Variants in SSC5D observed in about 807,000 individuals in gnomAD.
SSC5D encodes the protein soluble scavenger receptor cysteine-rich domain-containing protein SSC5D.
In SSC5D, 106 loss-of-function variants were observed where a neutral mutation model predicts 104.6. The observed-to-expected ratio is 1.01, with a 90% CI of 0.87 to 1.19. The LOEUF is 1.19. Among genes scored for constraint, SSC5D ranks in the 50% most tolerant of loss-of-function variants. SSC5D has a pLI of 0.00. For missense variants in SSC5D, 1,993 were observed against 2,153.8 expected (o/e 0.93, Z 1.48); for synonymous variants, 860 against 883.5 (o/e 0.97, Z 0.47).
intron 8 of SSC5D, 118 bp downstream of exon 8, chr19:55,494,901 A>G (rs1987270237): frequency 3.5e-5 from 43 of 1,214,588 alleles, no homozygotes; most frequent in South Asian, 3.4e-4. Context: ...AGAGGAGCAC[A>G]GGGGCCTCGC....
intron 7 of SSC5D, among the ~76,000 whole-genome samples, 200 bp from the exon 8 acceptor site, chr19:55,494,410 T>C (rs1987251578): frequency 6.6e-6 from 1 of 152,106 alleles, no homozygotes; most frequent in Non-Finnish European, 1.5e-5. Context: ...GCTCTCTCTG[T>C]TCCCGTGCTC....
chr19:55,489,807 C>T, intron 3 of SSC5D, 75 bp from the exon 4 acceptor site: 1 of 1,491,186 alleles, frequency 6.7e-7, no homozygotes, highest in African/African-American at 1.4e-5. Context: ...GTGGCTAACT[C>T]CCTCTTCCAG....
In SSC5D at chr19:55,518,269, C is replaced by T. The variant is rs371587289; in HGVS notation, c.3993C>T (p.Ser1331=). The change falls in exon 14 of 14, where the codon TCC becomes TCT. Residue 1331 remains serine (S), a synonymous_variant. Coordinates refer to ENST00000389623, the MANE Select transcript of SSC5D (RefSeq NM_001144950.2). ...CTCACCCCACAACTCCTGACCCTTC[C>T]TCAACCCCTGTCATCACTACTGTGT... ...TTPHPTTPDP[S]STPVITTVSL... 1 of 1,550,272 alleles carries T rather than the reference C, an allele frequency of 6.5e-7. No homozygotes were observed. Among genetic ancestry groups the T allele is most frequent in the Non-Finnish European group, 8.7e-7 (1 of 1,146,622 alleles).
intron 8 of SSC5D, 80 bp from the exon 9 acceptor site, chr19:55,497,800 G>A (rs1599918744): frequency 7.6e-7 from 1 of 1,308,760 alleles, no homozygotes; most frequent in Admixed American, 2.8e-5. Flanking sequence ...AAGGAAGATG[G>A]GGGGAGGGAA....
chr19:55,496,034 C>T (rs1459293740), intron 8 of SSC5D, among the ~76,000 whole-genome samples: 1 of 151,820 alleles, frequency 6.6e-6, no homozygotes. Flanking sequence ...AGCCACCCGG[C>T]CAGGTGCAGG....
chr19:55,514,457 T>C (rs796636932), intron 13 of SSC5D, among the ~76,000 whole-genome samples: 66,137 of 132,412 alleles, frequency 0.5, 17,973 homozygotes, highest in African/African-American at 0.65. Context: ...ATAATAATAA[T>C]AGGTGTGGTG....
chr19:55,514,745 C>T (rs1319602921), intron 13 of SSC5D, among the ~76,000 whole-genome samples: 1 of 152,106 alleles, frequency 6.6e-6, no homozygotes, highest in Non-Finnish European at 1.5e-5. Context: ...GTGACTCTGA[C>T]ATCAATAATT....
At chr19:55,493,987 C>CGGA (rs759866621) in intron 7 of SSC5D, 75 bp downstream of exon 7, 9 of 207,586 alleles carry the variant, frequency 4.3e-5, no homozygotes, top group African/African-American at 3.1e-4. Context: ...TCGGCGGGGG[C>CGGA]GGGGGGGTCC....
intron 8 of SSC5D, 84 bp downstream of exon 8, chr19:55,494,867 C>T (rs1421161304): frequency 2.8e-6 from 4 of 1,410,446 alleles, no homozygotes; most frequent in Non-Finnish European, 3.8e-6. Context: ...CATGGGGGGC[C>T]TCTTGCAAAG....
At chr19:55,516,985 T>A (rs552381876) in intron 13 of SSC5D, among the ~76,000 whole-genome samples, 368 of 151,882 alleles carry the variant, frequency 2.4e-3, no homozygotes, top group African/African-American at 8.5e-3. Flanking sequence ...CCCCTCGGCA[T>A]CCCCGAGTCC....
At chr19:55,493,992 G>GT in intron 7 of SSC5D, 80 bp downstream of exon 7, 5 of 284,106 alleles carry the variant, frequency 1.8e-5, no homozygotes, top group South Asian at 5.2e-5. Flanking sequence ...GGGGGCGGGG[G>GT]GGTCCCTACG....
At chr19:55,506,280 T>C (rs8105842) in intron 12 of SSC5D, among the ~76,000 whole-genome samples, 106,028 of 150,958 alleles carry the variant, frequency 0.7, 39,358 homozygotes, top group South Asian at 0.86. Context: ...GTAGTTAATT[T>C]TTATGTTATT....
Position 55,491,080 on chromosome 19 carries a change from G to T in SSC5D, c.895G>T (p.Gly299Cys). ...HSEDAGLVCTGPAPRLRLADG... is the reference protein window; with the variant it reads ...HSEDAGLVCTCPAPRLRLADG... The stretch of plus-strand genomic sequence containing the variant: ...CGAGGATGCGGGGCTGGTCTGCACC[G>T]GTACGTCGGGCTGGGGCCTGGCCCC... The change falls in exon 6 of 14, where the codon GGC becomes TGC. Residue 299 changes from glycine to cysteine, a missense_variant and splice_region_variant. By Grantham distance (159) the Gly-to-Cys change is radical. Around this residue, in one of 6 missense-constraint regions of SSC5D, gnomAD observed 1,101 missense variants for 1,085.0 expected, o/e 1.01. Coordinates refer to ENST00000389623, the MANE Select transcript of SSC5D (RefSeq NM_001144950.2). 1 of 1,547,298 alleles carries T rather than the reference G, an allele frequency of 6.5e-7. No individual in the cohort carries two copies. The highest frequency in any genetic ancestry group is 8.7e-7 in the Non-Finnish European group (1 of 1,145,404).
At chr19:55,493,459 T>A (rs1987209414) in intron 6 of SSC5D, 136 bp from the exon 7 acceptor site, 1 of 803,184 alleles carries the variant, frequency 1.2e-6, no homozygotes, top group Non-Finnish European at 1.8e-6. Flanking sequence ...CTTGGAACCT[T>A]TTCCTCATTT....
At chr19:55,505,474 C>T (rs1042008223) in intron 12 of SSC5D, among the ~76,000 whole-genome samples, 5 of 151,930 alleles carry the variant, frequency 3.3e-5, no homozygotes, top group Middle Eastern at 6.8e-3. Flanking sequence ...TTTAAAACAA[C>T]GCAGACTTAT....
intron 7 of SSC5D, 82 bp downstream of exon 7, chr19:55,493,994 G>GGGGGGGGGGGGGGGGGGGTGT: frequency 7.0e-6 from 1 of 143,314 alleles, no homozygotes. Flanking sequence ...GGGCGGGGGG[G>GGGGGGGGGGGGGGGGGGGTGT]TCCCTACGCG....
At chr19:55,493,994 G>GCCC in intron 7 of SSC5D, 82 bp downstream of exon 7, 3 of 143,310 alleles carry the variant, frequency 2.1e-5, no homozygotes, top group East Asian at 2.4e-4. Flanking sequence ...GGGCGGGGGG[G>GCCC]TCCCTACGCG....
intron 12 of SSC5D, 134 bp downstream of exon 12, chr19:55,501,335 TCC>T: frequency 9.6e-7 from 1 of 1,044,002 alleles, no homozygotes; most frequent in South Asian, 1.7e-5. Flanking sequence ...TTTCCTTGGC[TCC>T]TGAGACCCTA....
intron 4 of SSC5D, 147 bp from the exon 5 acceptor site, chr19:55,490,151 A>G: frequency 1.7e-6 from 1 of 594,716 alleles, no homozygotes; most frequent in Non-Finnish European, 3.0e-6. Flanking sequence ...CAGGGGACAC[A>G]CAGCCCGCCC....
Sources: gnomAD v4.1 joint callset for allele counts (sites outside exome capture counted in the v4.1 genomes callset) on GRCh38, gnomAD v4.1.1 for gene constraint, gnomAD v4.1.1 regional missense constraint, MANE v1.5 for transcripts, NCBI Gene and HGNC (gene_info 2026-07-23, HGNC 2026-07-21) for gene names.